KCNA6: variants seen among roughly 807,000 people sequenced by gnomAD.
The protein encoded by KCNA6 is potassium voltage-gated channel subfamily A member 6.
A neutral mutation model predicts 29.5 loss-of-function variants in KCNA6; 17 were observed. The observed-to-expected ratio is 0.58, with a 90% CI of 0.39 to 0.86. The LOEUF (loss-of-function observed/expected upper bound fraction) is 0.86. KCNA6 is among the 40% of genes least tolerant of loss of function. The pLI is 0.00. For missense variants in KCNA6, 450 were observed against 703.4 expected, an observed-to-expected ratio of 0.64 and a Z score of 4.07; for synonymous variants, 296 against 304.7, an observed-to-expected ratio of 0.97 and a Z score of 0.30.
chr12:4,825,440 A>G, the KCNA6 span, among the ~76,000 whole-genome samples: 1 of 152,146 alleles, frequency 6.6e-6, no homozygotes, highest in African/African-American at 2.4e-5. Flanking sequence ...TTACCACAGA[A>G]TCTCCATCCC....
the KCNA6 span, among the ~76,000 whole-genome samples, chr12:4,829,370 T>G: frequency 6.6e-6 from 1 of 152,278 alleles, no homozygotes; most frequent in East Asian, 1.9e-4. Context: ...GATATGATTA[T>G]CCAGTAGAAA....
chr12:4,840,201 ATC>A, the KCNA6 span, among the ~76,000 whole-genome samples: 91,327 of 133,992 alleles, frequency 0.68, 28,163 homozygotes, highest in Non-Finnish European at 0.7. Context: ...ATTATTATCT[ATC>A]TATCTATCTA....
At chr12:4,844,373 G>T in the KCNA6 span, among the ~76,000 whole-genome samples, 2 of 152,176 alleles carry the variant, frequency 1.3e-5, no homozygotes, top group African/African-American at 4.8e-5. This position sits in a 1 kb window ranked among gnomAD's most constrained non-coding sequence, Gnocchi z 4.0. Context: ...GGTGATGTAG[G>T]GAATGTCAGG....
chr12:4,814,203 C>G (rs752461260), downstream of KCNA6: 1 of 167,084 alleles, frequency 6.0e-6, no homozygotes, highest in Non-Finnish European at 1.5e-5. The surrounding 1 kb of genome is among the most constrained non-coding windows in gnomAD (Gnocchi z 4.6). Context: ...CCTGATTCTT[C>G]AGAAATTTGA....
chr12:4,809,837 C>T, exon 1 of KCNA6: 2 of 539,290 alleles, frequency 3.7e-6, no homozygotes, highest in Non-Finnish European at 6.2e-6. Context: ...ATCCCCAGCG[C>T]CCAGGTCACC....
At chr12:4,839,344 A>G in the KCNA6 span, 5 of 152,158 alleles carry the variant, frequency 3.3e-5, no homozygotes, top group Non-Finnish European at 7.3e-5. Context: ...ACGATGATAC[A>G]CTTCCACTTA....
chr12:4,812,421 T>G (rs1946641488), exon 1 of KCNA6: 1 of 167,096 alleles, frequency 6.0e-6, no homozygotes, highest in Non-Finnish European at 1.5e-5. Context: ...TTTGTGCAAG[T>G]GCCTTCCTGA....
At chr12:4,840,196 TATCTATC>T in the KCNA6 span, among the ~76,000 whole-genome samples, 10 of 244 alleles carry the variant, frequency 0.041, no homozygotes, top group Admixed American at 0.11. Context: ...TGATGATTAT[TATCTATC>T]TATCTATCTA....
chr12:4,841,155 A>G, the KCNA6 span, among the ~76,000 whole-genome samples: 1 of 152,208 alleles, frequency 6.6e-6, no homozygotes, highest in Non-Finnish European at 1.5e-5. Context: ...TGGATGTTCA[A>G]ATTTAGAATC....
downstream of KCNA6, among the ~76,000 whole-genome samples, chr12:4,815,315 A>C (rs993424388): frequency 6.6e-6 from 1 of 152,180 alleles, no homozygotes; most frequent in African/African-American, 2.4e-5. Context: ...TCACTCTGCC[A>C]TTCTTTCCTA....
At chr12:4,829,398 C>CT in the KCNA6 span, among the ~76,000 whole-genome samples, 1 of 152,160 alleles carries the variant, frequency 6.6e-6, no homozygotes, top group Non-Finnish European at 1.5e-5. Flanking sequence ...AATCGACAAA[C>CT]TTTTCACTGG....
the KCNA6 span, among the ~76,000 whole-genome samples, chr12:4,837,217 G>C: frequency 6.6e-6 from 1 of 152,202 alleles, no homozygotes; most frequent in East Asian, 1.9e-4. Flanking sequence ...ACACATTGAG[G>C]TTCCTAGAAG....
chr12:4,809,823 C>T, exon 1 of KCNA6: 1 of 508,166 alleles, frequency 2.0e-6, no homozygotes, highest in East Asian at 3.2e-5. Context: ...AAGCGCAGAA[C>T]CAAATCCCCA....
chr12:4,843,177 A>G, the KCNA6 span, among the ~76,000 whole-genome samples: 1 of 131,610 alleles, frequency 7.6e-6, no homozygotes, highest in South Asian at 2.4e-4. Flanking sequence ...GTTTTTAAAA[A>G]TTCTTTACTT....
rs749321551 is a variant in KCNA6 at position 4,810,749 on chromosome 12, T to C, written c.708T>C (p.His236=). The C allele has an allele frequency of 1.9e-6, 3 of 1,607,962 alleles. No homozygotes were observed. Among genetic ancestry groups the C allele is most frequent in the East Asian group, 4.5e-5 (2 of 44,860 alleles). Residue 236 remains histidine (H), a synonymous_variant, in exon 1 of 1, where the codon CAT becomes CAC. Transcript: ENST00000280684. The surrounding 1 kb of genome is among the most constrained non-coding windows in gnomAD (Gnocchi z 7.5). ...AAGACGATTCCTACACATTTCATCA[T>C]GGCATCACCCCTGGGGAAATGGGGA... is the stretch of plus-strand genomic sequence containing the variant.
chr12:4,837,319 C>T, the KCNA6 span, among the ~76,000 whole-genome samples: 9 of 152,156 alleles, frequency 5.9e-5, no homozygotes, highest in Admixed American at 3.3e-4. Context: ...GTAATAAACC[C>T]ATAAATGTAA....
the KCNA6 span, among the ~76,000 whole-genome samples, chr12:4,820,835 A>G: frequency 6.6e-6 from 1 of 152,274 alleles, no homozygotes; most frequent in South Asian, 2.1e-4. Context: ...AGAGAGGCTC[A>G]TGTACAGGCT....
rs1946636810 is a variant in KCNA6, at chr12:4,811,975, A to G, written c.*344A>G. On this transcript the variant is annotated 3_prime_UTR_variant, in exon 1 of 1. Coordinates refer to ENST00000280684, the Ensembl canonical transcript of KCNA6. The surrounding 1 kb of genome is among the most constrained non-coding windows in gnomAD (Gnocchi z 7.1). ...CAATATCTCAAGGAACAGCAATGTCAACAGGATGGAAACCAGCCCTATCTG... is the reference window on the plus strand; with the variant it reads ...CAATATCTCAAGGAACAGCAATGTCGACAGGATGGAAACCAGCCCTATCTG... 1 of 256,670 alleles carries G rather than the reference A, an allele frequency of 3.9e-6. No homozygotes were observed. The highest frequency in any genetic ancestry group is 8.5e-5 in the South Asian group (1 of 11,764). The allele number at this position is 256,670 out of a possible 1,614,324, so 15.9% of individuals were successfully genotyped here. A position where few individuals can be genotyped will look rare whatever the true frequency, so the allele number is the denominator to read the frequency against.
the KCNA6 span, among the ~76,000 whole-genome samples, chr12:4,843,806 T>C: frequency 2.0e-5 from 3 of 152,130 alleles, no homozygotes; most frequent in African/African-American, 7.2e-5. Flanking sequence ...ACTCACTCGC[T>C]ATCTCAAGGA....
Sources: gnomAD v4.1 joint callset for allele counts (sites outside exome capture counted in the v4.1 genomes callset) on GRCh38, gnomAD v4.1.1 for gene constraint, Gnocchi (gnomAD v3.1) non-coding constraint, MANE v1.5 for transcripts, NCBI Gene and HGNC (gene_info 2026-07-23, HGNC 2026-07-21) for gene names.